The following GTPBP1 variants were observed in gnomAD, a reference collection of about 807,000 sequenced individuals.
The protein encoded by GTPBP1 is GTP binding protein 1, also known as GTP-binding protein 1.
GTPBP1 carries 23 observed loss-of-function variants against 62.0 expected under a neutral mutation model. That is an observed-to-expected ratio of 0.37 (90% CI 0.27 to 0.53). The LOEUF (loss-of-function observed/expected upper bound fraction) is 0.53. Among genes scored for constraint, GTPBP1 ranks in the 20% least tolerant of loss-of-function variants. GTPBP1 has a pLI of 0.89. For missense variants in GTPBP1, 640 were observed against 917.3 expected, an observed-to-expected ratio of 0.70 and a Z score of 3.90; for synonymous variants, 344 against 364.4, an observed-to-expected ratio of 0.94 and a Z score of 0.64.
downstream of GTPBP1, chr22:38,737,926 C>G (rs1189427056): frequency 1.5e-6 from 1 of 675,458 alleles, no homozygotes; most frequent in Non-Finnish European, 2.8e-6. The surrounding 1 kb of genome is among the most constrained non-coding windows in gnomAD (Gnocchi z 4.1). Context: ...TTGTGTAAAG[C>G]CCACCTCCTG....
At chr22:38,740,212 G>T, downstream of GTPBP1, 1 of 1,479,294 alleles carries the variant, frequency 6.8e-7, no homozygotes, top group South Asian at 1.4e-5. This position sits in a 1 kb window ranked among gnomAD's most constrained non-coding sequence, Gnocchi z 4.8. Context: ...CCCAGGACAC[G>T]TCGTCTCAAA....
downstream of GTPBP1, chr22:38,733,712 TATC>T (rs1444557982): frequency 6.5e-6 from 1 of 152,926 alleles, no homozygotes; most frequent in East Asian, 1.9e-4. Flanking sequence ...TGTTCTGGCT[TATC>T]AGCCACCCTG....
Position 38,716,127 on chromosome 22 carries a change from A to T in GTPBP1, c.485+40A>T, listed in dbSNP as rs1205833694. ...GGACATTTTGGGGTCCCCATTCTTC[A>T]CAGAGGTTGGTGACTGAGCCTGTGG... is the stretch of plus-strand genomic sequence containing the variant. On this transcript the variant is annotated intron_variant, in intron 3 of 11. Coordinates refer to ENST00000216044, the MANE Select transcript of GTPBP1 (RefSeq NM_004286.5). This position sits in a 1 kb window ranked among gnomAD's most constrained non-coding sequence, Gnocchi z 5.2. 2 of 1,513,728 alleles carry T rather than the reference A, an allele frequency of 1.3e-6. No individual in the cohort carries two copies. The highest frequency in any genetic ancestry group is 1.8e-6 in the Non-Finnish European group (2 of 1,112,600). The allele number at this position is 1,513,728 out of a possible 1,614,324, so 93.8% of individuals were successfully genotyped here.
At chr22:38,738,365 G>T, downstream of GTPBP1, 3 of 1,186,186 alleles carry the variant, frequency 2.5e-6, no homozygotes, top group Non-Finnish European at 3.6e-6. This position sits in a 1 kb window ranked among gnomAD's most constrained non-coding sequence, Gnocchi z 6.6. Flanking sequence ...TCAGGCACCA[G>T]AGTGGCCTAT....
intron 2 of GTPBP1, 54 bp from the exon 3 acceptor site, chr22:38,715,841 TGGCTGGTTGGCA>T (rs2092666782): frequency 2.2e-6 from 3 of 1,386,690 alleles, no homozygotes; most frequent in African/African-American, 1.4e-5. Flanking sequence ...GGTTCCTGGC[TGGCTGGTTGGCA>T]GGCTGGTTGG....
Position 38,716,728 on chromosome 22 carries a change from G to A in GTPBP1, c.562G>A (p.Gly188Ser). The A allele has an allele frequency of 6.2e-7, 1 of 1,614,208 alleles. No homozygotes were observed. Among genetic ancestry groups the A allele is most frequent in the Non-Finnish European group, 8.5e-7 (1 of 1,180,028 alleles). Residue 188 changes from glycine (G) to serine (S), a missense_variant, in exon 4 of 12, where the codon GGC becomes AGC. Gly to Ser is a moderately conservative substitution (Grantham distance 56, BLOSUM62 0). Transcript: ENST00000216044. The surrounding 1 kb of genome is among the most constrained non-coding windows in gnomAD (Gnocchi z 5.2). ...GVLTHGELDN[G>S]RGFARQKLFR... Reference sequence around the variant, plus strand: ...CCTGACACATGGGGAGCTGGACAATGGCCGAGGCTTTGCCCGCCAGAAACT... The same window carrying A: ...CCTGACACATGGGGAGCTGGACAATAGCCGAGGCTTTGCCCGCCAGAAACT...
intron 4 of GTPBP1, among the ~76,000 whole-genome samples, chr22:38,717,804 T>C (rs1353194697): frequency 1.3e-5 from 2 of 152,024 alleles, no homozygotes; most frequent in Non-Finnish European, 1.5e-5. Context: ...GCCTGTAACC[T>C]TGTGCACATC....
chr22:38,736,276 G>A (rs199842876), downstream of GTPBP1: 26 of 1,612,708 alleles, frequency 1.6e-5, no homozygotes, highest in African/African-American at 1.3e-4. Flanking sequence ...GCTAGTGGGC[G>A]GGCTCCCCAT....
At chr22:38,728,260 G>A in intron 10 of GTPBP1, 99 bp downstream of exon 10, 1 of 834,658 alleles carries the variant, frequency 1.2e-6, no homozygotes, top group African/African-American at 1.7e-5. Flanking sequence ...CACTGCCATG[G>A]GAGAGCTGGA....
At chr22:38,739,982 C>T, downstream of GTPBP1, 3 of 1,589,760 alleles carry the variant, frequency 1.9e-6, no homozygotes, top group Non-Finnish European at 2.6e-6. The surrounding 1 kb of genome is among the most constrained non-coding windows in gnomAD (Gnocchi z 6.7). Flanking sequence ...GGGGGGCTTG[C>T]AGGGACAGCA....
At chr22:38,712,881 A>G (rs895954846) in intron 2 of GTPBP1, among the ~76,000 whole-genome samples, 4 of 152,214 alleles carry the variant, frequency 2.6e-5, no homozygotes, top group African/African-American at 9.6e-5. Context: ...GAAACTCCTC[A>G]GCCCAACCGC....
chr22:38,724,154 C>T (rs2092714977), intron 5 of GTPBP1, 143 bp from the exon 6 acceptor site: 1 of 602,078 alleles, frequency 1.7e-6, no homozygotes. Flanking sequence ...TTTTGCTTCT[C>T]CAGGCATTGT....
intron 4 of GTPBP1, among the ~76,000 whole-genome samples, chr22:38,720,323 G>A (rs1302281810): frequency 2.0e-5 from 3 of 151,042 alleles, no homozygotes; most frequent in Admixed American, 6.6e-5. Flanking sequence ...TGGTTCAAGC[G>A]ATTCTCCTGC....
chr22:38,742,608 T>G (rs1289136205), downstream of GTPBP1: 1 of 1,560,002 alleles, frequency 6.4e-7, no homozygotes, highest in Admixed American at 1.8e-5. Flanking sequence ...ATGATAGTGC[T>G]TCCCAAAGAC....
downstream of GTPBP1, chr22:38,741,047 A>G: frequency 6.3e-7 from 1 of 1,596,526 alleles, no homozygotes; most frequent in Middle Eastern, 1.7e-4. Context: ...CGAGCCTCGG[A>G]CTCCTGTGTA....
chr22:38,708,976 C>A lies in GTPBP1; in HGVS notation c.304+20C>A. 1 of 1,425,948 alleles carries A rather than the reference C, an allele frequency of 7.0e-7. No individual in the cohort carries two copies. The highest frequency in any genetic ancestry group is 9.9e-7 in the Non-Finnish European group (1 of 1,008,006). The allele number at this position is 1,425,948 out of a possible 1,614,324, so 88.3% of individuals were successfully genotyped here. On this transcript the variant is annotated intron_variant, in intron 2 of 11. Transcript: ENST00000216044. ...GATCAGGTGAGCATAGTTTTCCTTT[C>A]ACTTTATTTTTAAAAATTATTGGGC...
chr22:38,712,513 A>G (rs570309436), intron 2 of GTPBP1, among the ~76,000 whole-genome samples: 4 of 152,308 alleles, frequency 2.6e-5, no homozygotes, highest in African/African-American at 7.2e-5. Flanking sequence ...TGCAGCCTGT[A>G]GAAGAGGAGA....
downstream of GTPBP1, chr22:38,734,414 C>T (rs2092783360): frequency 5.1e-6 from 2 of 394,962 alleles, no homozygotes; most frequent in African/African-American, 4.3e-5. Context: ...GTAACTTTTT[C>T]TGCTGCTGTT....
At chr22:38,737,091 C>T (rs1037248976), downstream of GTPBP1, among the ~76,000 whole-genome samples, 1 of 152,200 alleles carries the variant, frequency 6.6e-6, no homozygotes, top group Non-Finnish European at 1.5e-5. This position sits in a 1 kb window ranked among gnomAD's most constrained non-coding sequence, Gnocchi z 4.1. Context: ...AAGCAATCCC[C>T]TCGCCTTGGC....
Sources: gnomAD v4.1 joint callset for allele counts (sites outside exome capture counted in the v4.1 genomes callset) on GRCh38, gnomAD v4.1.1 for gene constraint, Gnocchi (gnomAD v3.1) non-coding constraint, MANE v1.5 for transcripts, NCBI Gene and HGNC (gene_info 2026-07-23, HGNC 2026-07-21) for gene names.